The following ZNF530 variants were observed in gnomAD, a reference collection of about 807,000 sequenced individuals.
ZNF530 encodes the protein zinc finger protein 530.
A neutral mutation model predicts 2.8 loss-of-function variants in ZNF530; 5 were observed. That is an observed-to-expected ratio of 1.80 (90% confidence interval 0.94 to 3.78). The LOEUF is 3.78. ZNF530 is among the 30% of genes most tolerant of loss of function. The pLI is 0.00. For synonymous variants in ZNF530, 229 were observed against 235.0 expected, an observed-to-expected ratio of 0.97 and a Z score of 0.23; for missense variants, 619 against 673.3, an observed-to-expected ratio of 0.92 and a Z score of 0.89.
At chr19:57,604,677 T>C in intron 3 of ZNF530, 1 of 303,584 alleles carries the variant, frequency 3.3e-6, no homozygotes, top group Non-Finnish European at 6.1e-6. Context: ...ACAGGATGGC[T>C]TTCTCCAGTT....
rs1327951099 is a variant in ZNF530, at chr19:57,599,982, G to A, written c.-274G>A. The A allele has an allele frequency of 3.4e-6, 4 of 1,166,048 alleles. No individual in the cohort carries two copies. Among genetic ancestry groups the A allele is most frequent in the Admixed American group, 2.8e-5 (1 of 36,084 alleles). 72.2% of individuals were successfully genotyped at this position (1,166,048 alleles called of 1,614,324 possible). A position where few individuals can be genotyped will look rare whatever the true frequency, so the allele number is the denominator to read the frequency against. On this transcript the variant is annotated 5_prime_UTR_variant, in exon 1 of 4. Coordinates refer to ENST00000597700, the MANE Select transcript of ZNF530 (RefSeq NM_001321981.2). Reference sequence around the variant, plus strand: ...ACCTAGGTGCTGACAGCGAGAAGGCGCGAGGAGAGTCGTTTTCTCAGCTGC... The same window carrying A: ...ACCTAGGTGCTGACAGCGAGAAGGCACGAGGAGAGTCGTTTTCTCAGCTGC...
intron 3 of ZNF530, 126 bp from the exon 4 acceptor site, chr19:57,605,560 C>T: frequency 3.1e-6 from 3 of 980,762 alleles, no homozygotes; most frequent in South Asian, 3.6e-5. Context: ...GGCTTTTTTC[C>T]ACAAATTTCC....
rs186653155 is a variant in ZNF530 at position 57,609,548 on chromosome 19, C to T, written c.*2223C>T. ...CCAGTAATCCTAGCTACTCAGGAGA[C>T]AGGCAGAAGAATCTCTTGAACCTGG... On this transcript the variant is annotated 3_prime_UTR_variant, in exon 4 of 4. Transcript: ENST00000597700. Among the ~76,000 whole-genome samples, 6 of 152,264 alleles carry T rather than the reference C, an allele frequency of 3.9e-5. No individual in the cohort carries two copies. In the East Asian group the frequency reaches 1.2e-3, roughly 29 times the overall value.
At chr19:57,612,585 G>T, downstream of ZNF530, 1 of 398,826 alleles carries the variant, frequency 2.5e-6, no homozygotes, top group Non-Finnish European at 4.4e-6. Flanking sequence ...GGAGGCTGAG[G>T]TGGGAGGATC....
At chr19:57,604,056 C>A (rs1456587409) in intron 2 of ZNF530, among the ~76,000 whole-genome samples, 3 of 152,124 alleles carry the variant, frequency 2.0e-5, no homozygotes, top group Non-Finnish European at 1.5e-5. Context: ...TTTATAGACA[C>A]AAGAATGTGG....
Position 57,607,356 on chromosome 19 carries a change from T to C in ZNF530, c.*31T>C. On this transcript the variant is annotated 3_prime_UTR_variant, in exon 4 of 4. Coordinates refer to ENST00000597700, the MANE Select transcript of ZNF530 (RefSeq NM_001321981.2). Reference sequence around the variant, plus strand: ...GGAAATTATTTTGTCACTTTTTTTTTTTTTTTTGAGATGGAATTTTGCTCG... The same window carrying C: ...GGAAATTATTTTGTCACTTTTTTTTCTTTTTTTGAGATGGAATTTTGCTCG... 1 of 1,556,914 alleles carries C rather than the reference T, an allele frequency of 6.4e-7. No homozygotes were observed. The highest frequency in any genetic ancestry group is 8.6e-7 in the Non-Finnish European group (1 of 1,157,078).
Position 57,606,894 on chromosome 19 carries a change from C to G in ZNF530, c.1270C>G (p.His424Asp), listed in dbSNP as rs144658196. The change falls in exon 4 of 4, where the codon CAC becomes GAC. Residue 424 changes from histidine (H) to aspartate (D), a missense_variant. His to Asp is a moderately conservative substitution (Grantham distance 81, BLOSUM62 -1). Transcript: ENST00000597700. ...SSGLFRHRRA[H>D]TKTKPYECSE... is the part of the protein sequence containing the mutation. ...TGGCCTCTTTCGACACAGAAGAGCTCACACTAAAACAAAGCCTTATGAGTG... is the reference window on the plus strand; with the variant it reads ...TGGCCTCTTTCGACACAGAAGAGCTGACACTAAAACAAAGCCTTATGAGTG... The G allele has an allele frequency of 1.5e-5, 24 of 1,613,824 alleles. No homozygotes were observed. The East Asian group carries it at 5.4e-4, about 36-fold the overall frequency.
downstream of ZNF530, among the ~76,000 whole-genome samples, chr19:57,610,410 A>ATGTG (rs1491096357): frequency 2.0e-5 from 2 of 102,066 alleles, no homozygotes; most frequent in South Asian, 2.8e-4. Context: ...AAAAGTGTAC[A>ATGTG]TATGTGTGTG....
Position 57,606,610 on chromosome 19 carries a change from A to G in ZNF530, c.986A>G (p.His329Arg), listed in dbSNP as rs1040128281. ...AGTGAATGTGGAAAATCCTTTAGCC[A>G]TAGCACTAACCTCTTTCGACACTGG... The part of the protein sequence containing the change: ...ECSECGKSFS[H>R]STNLFRHWRV... The change falls in exon 4 of 4, where the codon CAT becomes CGT. Residue 329 changes from histidine to arginine, a missense_variant. Coordinates refer to ENST00000597700, the MANE Select transcript of ZNF530 (RefSeq NM_001321981.2). The G allele has an allele frequency of 1.2e-6, 2 of 1,613,846 alleles. No individual in the cohort carries two copies. Among genetic ancestry groups the G allele is most frequent in the East Asian group, 2.2e-5 (1 of 44,866 alleles).
Position 57,606,548 on chromosome 19 carries a change from C to A in ZNF530, c.924C>A (p.His308Gln). Residue 308 changes from histidine (H) to glutamine (Q), a missense_variant, in exon 4 of 4, where the codon CAC becomes CAA. By Grantham distance (24) the His-to-Gln change is conservative. Coordinates refer to ENST00000597700, the MANE Select transcript of ZNF530 (RefSeq NM_001321981.2). ...SFSHSTNLYRHRSAHTSTRPY... is the reference protein window; with the variant it reads ...SFSHSTNLYRQRSAHTSTRPY... The stretch of plus-strand genomic sequence containing the variant: ...GCCACAGCACTAACCTCTATCGTCA[C>A]AGGAGTGCCCACACTAGCACAAGGC... 5 of 1,613,724 alleles carry A rather than the reference C, an allele frequency of 3.1e-6. No homozygotes were observed. Among genetic ancestry groups the A allele is most frequent in the Non-Finnish European group, 4.2e-6 (5 of 1,179,924 alleles).
Position 57,607,401 on chromosome 19 carries a change from A to G in ZNF530, c.*76A>G. ...TGCTCGTCACCCAGGCTGGAGTGCAATTGTGCAATCTCAGCTCACTGCAAC... is the reference window on the plus strand; with the variant it reads ...TGCTCGTCACCCAGGCTGGAGTGCAGTTGTGCAATCTCAGCTCACTGCAAC... On this transcript the variant is annotated 3_prime_UTR_variant, in exon 4 of 4. Coordinates refer to ENST00000597700, the MANE Select transcript of ZNF530 (RefSeq NM_001321981.2). 7 of 1,429,426 alleles carry G rather than the reference A, an allele frequency of 4.9e-6. No individual in the cohort carries two copies. Among genetic ancestry groups the G allele is most frequent in the East Asian group, 2.4e-5 (1 of 42,074 alleles). 88.5% of individuals were successfully genotyped at this position (1,429,426 alleles called of 1,614,324 possible).
chr19:57,611,127 G>C (rs567369497), downstream of ZNF530, among the ~76,000 whole-genome samples: 1 of 152,140 alleles, frequency 6.6e-6, no homozygotes, highest in East Asian at 1.9e-4. Context: ...AATCATCCCA[G>C]CGTTACTGCC....
rs368995504 is a variant in ZNF530 at position 57,600,110 on chromosome 19, G to A, written c.-146G>A. ...CCCGCTCCGCCCAGAGTCCGATGGC[G>A]GCGGCACTGAGGGCCCCGACCCAGG... On this transcript the variant is annotated 5_prime_UTR_variant, in exon 1 of 4. Transcript: ENST00000597700. The A allele has an allele frequency of 3.8e-4, 600 of 1,563,740 alleles. No individual in the cohort carries two copies. Among genetic ancestry groups the A allele is most frequent in the Non-Finnish European group, 5.0e-4 (580 of 1,153,166 alleles).
intron 3 of ZNF530, chr19:57,605,025 GCCCTAAT>G (rs1980428260): frequency 6.5e-6 from 1 of 153,642 alleles, no homozygotes; most frequent in Non-Finnish European, 1.4e-5. Context: ...AGGAGGCCTG[GCCCTAAT>G]GAGTGACAAC....
At position 57,600,151 on chromosome 19, in the gene ZNF530, C is replaced by A. The variant is rs767001421; in HGVS notation, c.-122+17C>A. ...CCGACCCAGGTGAGCGCTGCGTCCTCCCGGCCTCCTCTGCCCTCCCCACCC... is the reference window on the plus strand; with the variant it reads ...CCGACCCAGGTGAGCGCTGCGTCCTACCGGCCTCCTCTGCCCTCCCCACCC... On this transcript the variant is annotated intron_variant, in intron 1 of 3. Coordinates refer to ENST00000597700, the MANE Select transcript of ZNF530 (RefSeq NM_001321981.2). The A allele has an allele frequency of 1.9e-6, 3 of 1,566,688 alleles. No individual in the cohort carries two copies. The highest frequency in any genetic ancestry group is 2.6e-6 in the Non-Finnish European group (3 of 1,154,626).
downstream of ZNF530, among the ~76,000 whole-genome samples, chr19:57,610,887 C>T (rs1474254997): frequency 2.6e-5 from 4 of 152,080 alleles, no homozygotes; most frequent in African/African-American, 7.2e-5. Context: ...CATTCCTCAA[C>T]CTTTTTTTTC....
At chr19:57,611,180 C>T (rs1980861664), downstream of ZNF530, among the ~76,000 whole-genome samples, 1 of 152,174 alleles carries the variant, frequency 6.6e-6, no homozygotes. Flanking sequence ...TCCTTGCCTC[C>T]TCAGAAGAAA....
Position 57,606,843 on chromosome 19 carries a change from T to G in ZNF530, c.1219T>G (p.Cys407Gly), listed in dbSNP as rs777647606. The change falls in exon 4 of 4, where the codon TGT becomes GGT. Residue 407 changes from cysteine to glycine, a missense_variant. By Grantham distance (159) the Cys-to-Gly change is radical (BLOSUM62 -3). Coordinates refer to ENST00000597700, the MANE Select transcript of ZNF530 (RefSeq NM_001321981.2). ...TGERPYECSE[C>G]GKVFSQSSGL... ...AGAAAGGCCTTATGAGTGCAGTGAA[T>G]GTGGGAAAGTTTTTAGCCAAAGCTC... The G allele has an allele frequency of 3.7e-6, 6 of 1,614,148 alleles. No individual in the cohort carries two copies. In the South Asian group the frequency reaches 5.5e-5, roughly 15 times the overall value.
intron 1 of ZNF530, among the ~76,000 whole-genome samples, chr19:57,600,455 G>A (rs944938625): frequency 6.6e-6 from 1 of 152,246 alleles, no homozygotes; most frequent in African/African-American, 2.4e-5. Context: ...CAGCGCGTAG[G>A]ACAGAAGAGG....
Sources: allele counts gnomAD v4.1 joint callset (sites outside exome capture counted in the v4.1 genomes callset), GRCh38; gene constraint gnomAD v4.1.1; transcripts MANE v1.5; gene names NCBI Gene and HGNC (gene_info 2026-07-23, HGNC 2026-07-21).